ZFPM2: variants seen among roughly 807,000 people sequenced by gnomAD.
The protein encoded by ZFPM2 is zinc finger protein ZFPM2.
ZFPM2 carries 20 observed loss-of-function variants against 98.6 expected under a neutral mutation model. The observed-to-expected ratio is 0.20, with a 90% confidence interval of 0.14 to 0.29. ZFPM2 has a LOEUF of 0.29. Among genes scored for constraint, ZFPM2 ranks in the 10% least tolerant of loss-of-function variants. The probability of loss-of-function intolerance (pLI) is 1.00; values close to 1 mark genes in which losing one functional copy is unlikely to be tolerated. For synonymous variants in ZFPM2, 518 were observed against 502.7 expected, an observed-to-expected ratio of 1.03 and a Z score of -0.41; for missense variants, 1,310 against 1,388.6, an observed-to-expected ratio of 0.94 and a Z score of 0.90.
intron 1 of ZFPM2, among the ~76,000 whole-genome samples, chr8:105,327,788 A>G (rs1441215991): frequency 6.6e-6 from 1 of 151,836 alleles, no homozygotes; most frequent in African/African-American, 2.4e-5. Flanking sequence ...GATTAATTGT[A>G]GCATATTTGG....
intron 2 of ZFPM2, among the ~76,000 whole-genome samples, chr8:105,430,901 CT>C (rs570944607): frequency 0.26 from 33,879 of 128,686 alleles, 4,433 homozygotes; most frequent in African/African-American, 0.36. Context: ...TTGTCCACAA[CT>C]TTTTTTTTTT....
At chr8:105,341,135 G>A (rs1345674675) in intron 1 of ZFPM2, among the ~76,000 whole-genome samples, 1 of 151,856 alleles carries the variant, frequency 6.6e-6, no homozygotes, top group Non-Finnish European at 1.5e-5. Context: ...AGTTAAGTTG[G>A]GATAATGTAG....
Position 105,788,749 on chromosome 8 carries a change from C to T in ZFPM2, c.564C>T (p.Ala188=), listed in dbSNP as rs754528675. 4 of 1,613,920 alleles carry T rather than the reference C, an allele frequency of 2.5e-6. No homozygotes were observed. The highest frequency in any genetic ancestry group is 3.3e-5 in the Admixed American group (2 of 59,996). The change falls in exon 6 of 8, where the codon GCC becomes GCT. Residue 188 remains alanine (A), a synonymous_variant. Coordinates refer to ENST00000407775, the MANE Select transcript of ZFPM2 (RefSeq NM_012082.4). ...AGCTTTGGTGTACAACTACGAAGGC[C>T]ATCTCTGAGGGTGAAGAGCTAATTG... is the stretch of plus-strand genomic sequence containing the variant. ...GGQLWCTTTK[A]ISEGEELIAF... is the part of the protein sequence containing the mutation.
rs181568180 is a variant in ZFPM2, at chr8:105,576,637, A to T, written c.420+15156A>T. Among the ~76,000 whole-genome samples, 11 of 152,352 alleles carry T rather than the reference A, an allele frequency of 7.2e-5. No individual in the cohort carries two copies. The East Asian group carries it at 2.1e-3, about 29-fold the overall frequency. On this transcript the variant is annotated intron_variant, in intron 4 of 7. Transcript: ENST00000407775. ...GAAGACAACTTTTTGTTTCTAAAAA[A>T]GCTTTGATAGGATAGATCTATTTGT...
intron 4 of ZFPM2, among the ~76,000 whole-genome samples, chr8:105,586,286 G>A (rs1052675809): frequency 1.3e-5 from 2 of 152,002 alleles, no homozygotes; most frequent in African/African-American, 4.8e-5. Flanking sequence ...TTCACCTACA[G>A]CACTTCTTCT....
In ZFPM2 at chr8:105,654,217, GA is replaced by G. The variant is rs59953364; in HGVS notation, c.532+19871del. Reference sequence around the variant, plus strand: ...AAGTAAAAGAGGAAAAAAAGAGAAGGAAAAAAAAAAACAAATTTGCTGAGCC... The same window carrying G: ...AAGTAAAAGAGGAAAAAAAGAGAAGGAAAAAAAAAACAAATTTGCTGAGCC... On this transcript the variant is annotated intron_variant, in intron 5 of 7. Coordinates refer to ENST00000407775, the MANE Select transcript of ZFPM2 (RefSeq NM_012082.4). Among the ~76,000 whole-genome samples the G allele has an allele frequency of 6.6e-4, 93 of 140,920 alleles. 1 individual carries two copies. Among genetic ancestry groups the G allele is most frequent in the Admixed American group, 1.9e-3 (26 of 14,016 alleles). The allele number at this position is 140,920 out of a possible 152,430, so 92.4% of individuals were successfully genotyped here.
chr8:105,733,702 C>T (rs1282789367), intron 5 of ZFPM2, among the ~76,000 whole-genome samples: 2 of 151,722 alleles, frequency 1.3e-5, no homozygotes, highest in East Asian at 3.9e-4. Flanking sequence ...AGTTAGTAGT[C>T]ACTTGGATAG....
chr8:105,428,415 T>C (rs1811956412), intron 2 of ZFPM2, among the ~76,000 whole-genome samples: 1 of 152,204 alleles, frequency 6.6e-6, no homozygotes, highest in African/African-American at 2.4e-5. Flanking sequence ...TGATATAATG[T>C]AAGGGGCTAT....
intron 4 of ZFPM2, among the ~76,000 whole-genome samples, chr8:105,574,879 C>T (rs1000778476): frequency 4.6e-5 from 7 of 151,096 alleles, no homozygotes; most frequent in Non-Finnish European, 1.0e-4. Flanking sequence ...CCAATTATAT[C>T]CATGTGTGCA....
At chr8:105,359,620 C>T (rs373625245) in intron 1 of ZFPM2, among the ~76,000 whole-genome samples, 7 of 152,046 alleles carry the variant, frequency 4.6e-5, no homozygotes, top group East Asian at 3.9e-4. Flanking sequence ...ATGATCCACC[C>T]GCCTCAGCCT....
chr8:105,554,444 T>A (rs1678087140), intron 3 of ZFPM2, among the ~76,000 whole-genome samples: 1 of 152,174 alleles, frequency 6.6e-6, no homozygotes, highest in Non-Finnish European at 1.5e-5. Context: ...ATTTTTAGAA[T>A]CTTTGAGTGC....
intron 1 of ZFPM2, among the ~76,000 whole-genome samples, chr8:105,379,392 G>A (rs1421086391): frequency 1.3e-5 from 2 of 152,164 alleles, no homozygotes; most frequent in African/African-American, 4.8e-5. Flanking sequence ...TGAGATGCTT[G>A]TGGACTTGAG....
At chr8:105,539,476 A>T (rs1357277724) in intron 3 of ZFPM2, among the ~76,000 whole-genome samples, 1 of 152,148 alleles carries the variant, frequency 6.6e-6, no homozygotes, top group African/African-American at 2.4e-5. Flanking sequence ...TACACTACAC[A>T]CTTGGAGCCA....
At chr8:105,733,258 C>A (rs1811988416) in intron 5 of ZFPM2, among the ~76,000 whole-genome samples, 1 of 151,874 alleles carries the variant, frequency 6.6e-6, no homozygotes, top group African/African-American at 2.4e-5. Context: ...TCTTATCTGG[C>A]CTCATTAAAT....
At chr8:105,575,792 T>C (rs1815453157) in intron 4 of ZFPM2, among the ~76,000 whole-genome samples, 3 of 152,200 alleles carry the variant, frequency 2.0e-5, no homozygotes, top group Admixed American at 6.5e-5. Flanking sequence ...AAGTGGCCTG[T>C]ACATTTTATA....
chr8:105,664,969 G>A (rs575483660), intron 5 of ZFPM2, among the ~76,000 whole-genome samples: 132 of 152,242 alleles, frequency 8.7e-4, no homozygotes, highest in African/African-American at 3.0e-3. Context: ...CACTGTTTTA[G>A]TTCATTTTCT....
At chr8:105,694,957 A>G (rs1179495222) in intron 5 of ZFPM2, among the ~76,000 whole-genome samples, 2 of 152,136 alleles carry the variant, frequency 1.3e-5, no homozygotes, top group Non-Finnish European at 2.9e-5. Flanking sequence ...TATGACTCAA[A>G]TATATTATGT....
intron 2 of ZFPM2, among the ~76,000 whole-genome samples, chr8:105,419,580 A>G (rs1811752900): frequency 6.6e-6 from 1 of 152,164 alleles, no homozygotes; most frequent in Non-Finnish European, 1.5e-5. Context: ...TGATATATTT[A>G]ATGTTGATCA....
At chr8:105,531,425 C>T (rs1199747737) in intron 3 of ZFPM2, among the ~76,000 whole-genome samples, 2 of 152,094 alleles carry the variant, frequency 1.3e-5, no homozygotes, top group East Asian at 3.9e-4. Flanking sequence ...TTTTTGCGCT[C>T]ATTATCACAT....
Sources: gnomAD v4.1 joint callset for allele counts (sites outside exome capture counted in the v4.1 genomes callset) on GRCh38, gnomAD v4.1.1 for gene constraint, MANE v1.5 for transcripts, NCBI Gene and HGNC (gene_info 2026-07-23, HGNC 2026-07-21) for gene names.